The following ABL2 variants were observed in gnomAD, a reference collection of about 807,000 sequenced individuals.
ABL2 encodes tyrosine-protein kinase ABL2.
A neutral mutation model predicts 107.7 loss-of-function variants in ABL2; 49 were observed. That is an observed-to-expected ratio of 0.45 (90% CI 0.36 to 0.58). The LOEUF is 0.58. Among genes scored for constraint, ABL2 ranks in the 20% least tolerant of loss-of-function variants. ABL2 has a pLI of 0.00. For missense variants in ABL2, 1,245 were observed against 1,457.0 expected (o/e 0.85, Z 2.37); for synonymous variants, 549 against 548.6 (o/e 1.00, Z -0.01).
intron 1 of ABL2, among the ~76,000 whole-genome samples, chr1:179,190,617 G>A (rs1198421335): frequency 6.6e-6 from 1 of 152,020 alleles, no homozygotes; most frequent in Non-Finnish European, 1.5e-5. Flanking sequence ...TGGGATGGAG[G>A]GGGGTGAGGG....
At chr1:179,141,657 C>G (rs977789920) in intron 1 of ABL2, among the ~76,000 whole-genome samples, 1 of 152,192 alleles carries the variant, frequency 6.6e-6, no homozygotes, top group Non-Finnish European at 1.5e-5. Flanking sequence ...TCTGGTTTTA[C>G]GGTCTTTTTG....
chr1:179,116,270 A>T (rs1654609803), intron 8 of ABL2, among the ~76,000 whole-genome samples: 1 of 152,124 alleles, frequency 6.6e-6, no homozygotes, highest in Non-Finnish European at 1.5e-5. Context: ...GCAACTCTGG[A>T]GGCTGAGGCA....
chr1:179,120,307 C>G (rs371965147), intron 5 of ABL2, 33 bp from the exon 6 acceptor site: 11 of 1,400,922 alleles, frequency 7.9e-6, no homozygotes, highest in Admixed American at 1.8e-5. Context: ...AAGAAGAAAA[C>G]GAGAGGGACA....
chr1:179,198,705 A>AC (rs1661478747), intron 1 of ABL2, among the ~76,000 whole-genome samples: 1 of 150,956 alleles, frequency 6.6e-6, no homozygotes. Flanking sequence ...AAAAAAAAAA[A>AC]AAAAAAAAAA....
rs187540054 is a variant in ABL2 at position 179,131,395 on chromosome 1, C to T, written c.307G>A (p.Gly103Arg). 2.0e-5 allele frequency: 32 copies of T among 1,614,124 alleles called. No homozygotes were observed. The East Asian group carries it at 2.2e-4, about 11-fold the overall frequency. Reference protein sequence around the residue: ...IRWSSKENLLGATESDPNLFV... With the variant: ...IRWSSKENLLRATESDPNLFV... Reference sequence around the variant, plus strand: ...AGATTAGGGTCACTCTCAGTGGCTCCGAGCAAGTTCTCCTTGGAGCTCCAC... The same window carrying T: ...AGATTAGGGTCACTCTCAGTGGCTCTGAGCAAGTTCTCCTTGGAGCTCCAC... Residue 103 changes from glycine to arginine, a missense_variant, in exon 3 of 12, where the codon GGA (glycine) becomes AGA (arginine). Gly to Arg is a moderately radical substitution (Grantham distance 125). Transcript: ENST00000502732.
intron 1 of ABL2, among the ~76,000 whole-genome samples, chr1:179,173,984 T>C (rs983490411): frequency 1.3e-5 from 2 of 152,140 alleles, no homozygotes; most frequent in Non-Finnish European, 2.9e-5. Flanking sequence ...TATTGTTACT[T>C]GCAAGAAAAA....
chr1:179,115,057 T>G (rs771391826), intron 8 of ABL2, 27 bp from the exon 9 acceptor site: 2 of 1,556,790 alleles, frequency 1.3e-6, no homozygotes, highest in Admixed American at 4.1e-5. Context: ...AAAAAGCACT[T>G]AGTGTTTCTT....
intron 1 of ABL2, among the ~76,000 whole-genome samples, chr1:179,201,287 ACCC>A (rs1410428960): frequency 2.0e-5 from 3 of 152,126 alleles, no homozygotes; most frequent in African/African-American, 4.8e-5. Context: ...TTCAAAATGC[ACCC>A]CCATTTCCTG....
At chr1:179,157,647 G>A (rs1337005368) in intron 1 of ABL2, among the ~76,000 whole-genome samples, 1 of 152,036 alleles carries the variant, frequency 6.6e-6, no homozygotes, top group Non-Finnish European at 1.5e-5. Flanking sequence ...CATTGATCAG[G>A]TAGGAGGGAG....
At chr1:179,138,946 A>G (rs2791942) in intron 1 of ABL2, among the ~76,000 whole-genome samples, 53,758 of 152,092 alleles carry the variant, frequency 0.35, 9,849 homozygotes, top group East Asian at 0.49. Flanking sequence ...CGGAGCAGCC[A>G]GCCAGCCCTG....
rs184400927 is a variant in ABL2 at position 179,169,501 on chromosome 1, T to C, written c.158-36127A>G. 5.3e-3 allele frequency among the ~76,000 whole-genome samples: 796 copies of C among 151,034 alleles called. 7 individuals carry two copies. Among genetic ancestry groups the C allele is most frequent in the African/African-American group, 0.018 (753 of 41,162 alleles). On this transcript the variant is annotated intron_variant, in intron 1 of 11. Transcript: ENST00000502732. ...AGGCAGAGCTTGCAGTGAGCCAAGA[T>C]TGAACCACTGCACTCCAGCCTGGGC...
chr1:179,135,734 G>C (rs948882198), intron 1 of ABL2, among the ~76,000 whole-genome samples: 2 of 146,146 alleles, frequency 1.4e-5, no homozygotes, highest in Admixed American at 1.3e-4. Context: ...GGGAAGTGAG[G>C]AGCCCCTCTG....
chr1:179,217,127 C>T (rs866896159), intron 1 of ABL2, among the ~76,000 whole-genome samples: 1 of 151,342 alleles, frequency 6.6e-6, no homozygotes, highest in East Asian at 2.0e-4. Context: ...GAAACCGTCT[C>T]TACTAAAAAT....
chr1:179,175,831 AAGT>A (rs1382193770), intron 1 of ABL2, among the ~76,000 whole-genome samples: 1 of 150,350 alleles, frequency 6.7e-6, no homozygotes, highest in African/African-American at 2.4e-5. Context: ...ACTGCTAGAC[AAGT>A]AGACACATTC....
intron 1 of ABL2, among the ~76,000 whole-genome samples, chr1:179,208,512 T>G (rs1474596418): frequency 6.6e-6 from 1 of 152,200 alleles, no homozygotes; most frequent in African/African-American, 2.4e-5. Context: ...ATGTATACAT[T>G]TGCTTTTTTC....
intron 1 of ABL2, among the ~76,000 whole-genome samples, chr1:179,186,051 C>T (rs1660668258): frequency 6.6e-6 from 1 of 151,998 alleles, no homozygotes. Flanking sequence ...TCAAGACCAG[C>T]CTGGACAACA....
At chr1:179,172,666 A>G (rs1369386451) in intron 1 of ABL2, among the ~76,000 whole-genome samples, 1 of 152,200 alleles carries the variant, frequency 6.6e-6, no homozygotes, top group Non-Finnish European at 1.5e-5. Flanking sequence ...TTCCCTCGAA[A>G]AGAGAATTTT....
At chr1:179,133,467 G>A in intron 1 of ABL2, 93 bp from the exon 2 acceptor site, 2 of 1,602,504 alleles carry the variant, frequency 1.2e-6, no homozygotes, top group Non-Finnish European at 1.7e-6. Flanking sequence ...GCATTCAAAG[G>A]CCTTTCATGA....
chr1:179,202,343 C>T (rs566077040), intron 1 of ABL2, among the ~76,000 whole-genome samples: 13 of 152,294 alleles, frequency 8.5e-5, no homozygotes, highest in African/African-American at 2.4e-4. Flanking sequence ...AGGAAACCCA[C>T]GCTTCCCTCT....
Sources: gnomAD v4.1 joint callset for allele counts (sites outside exome capture counted in the v4.1 genomes callset) on GRCh38, gnomAD v4.1.1 for gene constraint, MANE v1.5 for transcripts, NCBI Gene and HGNC (gene_info 2026-07-23, HGNC 2026-07-21) for gene names.